Variants in LIMS1 observed in about 807,000 individuals in gnomAD.
LIMS1 encodes the protein LIM zinc finger domain containing 1, also known as LIM and senescent cell antigen-like-containing domain protein 1.
In LIMS1, 18 loss-of-function variants were observed where a neutral mutation model predicts 44.1. The observed-to-expected ratio is 0.41, with a 90% CI of 0.28 to 0.61. The LOEUF (loss-of-function observed/expected upper bound fraction) is 0.61, where lower values mean the gene tolerates loss of function less well. Ranked by LOEUF, LIMS1 falls within the 20% of genes least tolerant of loss-of-function variation. The pLI is 0.32. For synonymous variants in LIMS1, 93 were observed against 149.1 expected (o/e 0.62, Z 2.74); for missense variants, 201 against 422.0 (o/e 0.48, Z 4.59).
intron 2 of LIMS1, chr2:108,660,659 G>A (rs1267976547): frequency 4.1e-6 from 1 of 241,476 alleles, no homozygotes. Context: ...TCAAACTCCT[G>A]GGCTCAGGTG....
chr2:108,661,992 A>T (rs922848309), intron 2 of LIMS1, among the ~76,000 whole-genome samples: 46 of 152,210 alleles, frequency 3.0e-4, no homozygotes, highest in African/African-American at 9.7e-4. Flanking sequence ...CTAATACAAT[A>T]TTCTTTCCCT....
intron 1 of LIMS1, among the ~76,000 whole-genome samples, chr2:108,534,887 T>A (rs1246651679): frequency 1.3e-5 from 2 of 152,158 alleles, no homozygotes; most frequent in Non-Finnish European, 1.5e-5. Context: ...AGCTAATCAT[T>A]TATCTTCTAG....
At chr2:108,674,803 C>T (rs1386787888) in intron 5 of LIMS1, among the ~76,000 whole-genome samples, 4 of 148,660 alleles carry the variant, frequency 2.7e-5, no homozygotes, top group Non-Finnish European at 5.9e-5. Context: ...ATTGAATTAT[C>T]AGTTTGTGCC....
At chr2:108,571,277 T>C (rs1001109415) in intron 1 of LIMS1, among the ~76,000 whole-genome samples, 6 of 152,192 alleles carry the variant, frequency 3.9e-5, no homozygotes, top group African/African-American at 1.4e-4. Flanking sequence ...AGAAGGAAGA[T>C]CTTTTTAAGG....
At chr2:108,581,117 T>G (rs943910648) in intron 1 of LIMS1, among the ~76,000 whole-genome samples, 1 of 152,206 alleles carries the variant, frequency 6.6e-6, no homozygotes, top group South Asian at 2.1e-4. Flanking sequence ...GAATGAGTAT[T>G]GTTAAAGGAA....
intron 1 of LIMS1, among the ~76,000 whole-genome samples, chr2:108,561,104 C>G (rs1685095814): frequency 6.6e-6 from 1 of 152,190 alleles, no homozygotes; most frequent in Admixed American, 6.5e-5. Flanking sequence ...CAGTACAGAC[C>G]TTACTCTCAG....
chr2:108,614,649 A>G (rs1344359417), intron 1 of LIMS1, among the ~76,000 whole-genome samples: 1 of 152,194 alleles, frequency 6.6e-6, no homozygotes, highest in Non-Finnish European at 1.5e-5. Flanking sequence ...GAACTTTTAT[A>G]TCGGAGTTAG....
intron 1 of LIMS1, among the ~76,000 whole-genome samples, chr2:108,630,210 A>G (rs1028460098): frequency 2.3e-4 from 33 of 142,736 alleles, no homozygotes; most frequent in African/African-American, 7.4e-4. Context: ...AAAAAAAAAA[A>G]AAAAAGAAAG....
intron 1 of LIMS1, among the ~76,000 whole-genome samples, chr2:108,647,107 A>G (rs1690124263): frequency 6.6e-6 from 1 of 152,166 alleles, no homozygotes; most frequent in Non-Finnish European, 1.5e-5. Context: ...AATCAAATAG[A>G]TGCAATAAAA....
At chr2:108,605,661 G>A (rs1325896417) in intron 1 of LIMS1, among the ~76,000 whole-genome samples, 3 of 152,106 alleles carry the variant, frequency 2.0e-5, no homozygotes, top group Non-Finnish European at 4.4e-5. Flanking sequence ...TCAGTGTTTG[G>A]ACTTAGTGAT....
At chr2:108,621,142 G>T in intron 1 of LIMS1, 1 of 740,146 alleles carries the variant, frequency 1.4e-6, no homozygotes, top group Non-Finnish European at 2.0e-6. Flanking sequence ...AAGGTGCGAG[G>T]CCCAGAGATA....
At chr2:108,568,838 A>G (rs920821043) in intron 1 of LIMS1, among the ~76,000 whole-genome samples, 6 of 152,148 alleles carry the variant, frequency 3.9e-5, no homozygotes, top group Admixed American at 2.6e-4. Flanking sequence ...TCTTTGGAAA[A>G]AAGTCTGTTA....
chr2:108,603,495 C>CCTT (rs1687118729), intron 1 of LIMS1, among the ~76,000 whole-genome samples: 2 of 88,216 alleles, frequency 2.3e-5, no homozygotes, highest in African/African-American at 8.4e-5. Flanking sequence ...TTTTCATCGC[C>CCTT]TTTTTTTTTT....
At chr2:108,596,411 T>A (rs1440914156) in intron 1 of LIMS1, among the ~76,000 whole-genome samples, 1 of 151,826 alleles carries the variant, frequency 6.6e-6, no homozygotes, top group African/African-American at 2.4e-5. Flanking sequence ...AAATAAGAGG[T>A]GAGGAAAATG....
At chr2:108,587,057 G>A (rs1241985191) in intron 1 of LIMS1, among the ~76,000 whole-genome samples, 2 of 152,162 alleles carry the variant, frequency 1.3e-5, no homozygotes. Flanking sequence ...TGAAGGTGAA[G>A]CCTGTGAGGT....
At chr2:108,612,307 C>T (rs1687701721) in intron 1 of LIMS1, among the ~76,000 whole-genome samples, 1 of 152,028 alleles carries the variant, frequency 6.6e-6, no homozygotes, top group Non-Finnish European at 1.5e-5. Context: ...GAAGTGTTCT[C>T]AGAGGAACCG....
chr2:108,672,421 T>C (rs773411130), exon 4 of LIMS1: 31 of 1,004,618 alleles, frequency 3.1e-5, no homozygotes, highest in Admixed American at 2.3e-4. Flanking sequence ...CTGGCAGATA[T>C]CGGGTTTGTC....
intron 1 of LIMS1, among the ~76,000 whole-genome samples, chr2:108,549,961 T>G (rs1264231216): frequency 6.6e-6 from 1 of 152,184 alleles, no homozygotes; most frequent in East Asian, 1.9e-4. Flanking sequence ...TAGCATTATT[T>G]ATACTACCAG....
At chr2:108,602,919 C>A (rs1361092485) in intron 1 of LIMS1, among the ~76,000 whole-genome samples, 1 of 152,132 alleles carries the variant, frequency 6.6e-6, no homozygotes, top group East Asian at 1.9e-4. Context: ...GCATGTGCCA[C>A]CATGCCTGGC....
Sources: allele counts gnomAD v4.1 joint callset (sites outside exome capture counted in the v4.1 genomes callset), GRCh38; gene constraint gnomAD v4.1.1; transcripts MANE v1.5; gene names NCBI Gene and HGNC (gene_info 2026-07-23, HGNC 2026-07-21).